FBXL7: variants seen among roughly 807,000 people sequenced by gnomAD.
FBXL7 encodes the protein F-box/LRR-repeat protein 7.
FBXL7 carries 12 observed loss-of-function variants against 38.3 expected under a neutral mutation model. That is an observed-to-expected ratio of 0.31 (90% CI 0.20 to 0.51). FBXL7 has a LOEUF of 0.51. Ranked by LOEUF, FBXL7 falls within the 20% of genes least tolerant of loss-of-function variation. The probability of loss-of-function intolerance (pLI) is 0.98; values close to 1 mark genes in which losing one functional copy is unlikely to be tolerated. For synonymous variants in FBXL7, 297 were observed against 300.9 expected (o/e 0.99, Z 0.13); for missense variants, 567 against 676.4 (o/e 0.84, Z 1.79).
At chr5:15,871,541 G>C (rs1361916884) in intron 2 of FBXL7, among the ~76,000 whole-genome samples, 1 of 152,174 alleles carries the variant, frequency 6.6e-6, no homozygotes, top group Non-Finnish European at 1.5e-5. Flanking sequence ...ATGCAAGGAA[G>C]CTAAGAACCT....
At chr5:15,784,652 T>G (rs533116809) in intron 2 of FBXL7, among the ~76,000 whole-genome samples, 2 of 152,076 alleles carry the variant, frequency 1.3e-5, no homozygotes, top group African/African-American at 2.4e-5. Context: ...TGCTTAAAAG[T>G]GTGTGGCATC....
Position 15,750,736 on chromosome 5 carries a change from C to T in FBXL7, c.127+134664C>T, listed in dbSNP as rs117713694. Reference sequence around the variant, plus strand: ...ATCACTATTGCCCTAACGTCATGAGCGGCTGCCTTACTCCAGTTTCTATAT... The same window carrying T: ...ATCACTATTGCCCTAACGTCATGAGTGGCTGCCTTACTCCAGTTTCTATAT... On this transcript the variant is annotated intron_variant, in intron 2 of 3. Coordinates refer to ENST00000504595, the MANE Select transcript of FBXL7 (RefSeq NM_012304.5). 5.2e-4 allele frequency among the ~76,000 whole-genome samples: 79 copies of T among 152,158 alleles called. 2 individuals are homozygous for T. The East Asian group carries it at 0.011, about 20-fold the overall frequency.
intron 2 of FBXL7, among the ~76,000 whole-genome samples, chr5:15,745,184 TTTAA>T (rs1185455408): frequency 2.5e-4 from 38 of 152,010 alleles, no homozygotes; most frequent in African/African-American, 8.7e-4. Flanking sequence ...TAAATAAATA[TTTAA>T]TTATTTGGAA....
At chr5:15,597,080 G>T (rs1248018379) in intron 1 of FBXL7, among the ~76,000 whole-genome samples, 1 of 152,124 alleles carries the variant, frequency 6.6e-6, no homozygotes, top group East Asian at 1.9e-4. Flanking sequence ...CTAAAGTGGG[G>T]GCAGCCTTGT....
intron 2 of FBXL7, among the ~76,000 whole-genome samples, chr5:15,631,485 C>G (rs1277750403): frequency 6.6e-6 from 1 of 151,858 alleles, no homozygotes; most frequent in Non-Finnish European, 1.5e-5. Context: ...CACCTGAGGT[C>G]AGGAGTTCGA....
chr5:15,506,870 A>T (rs1561008839), intron 1 of FBXL7, among the ~76,000 whole-genome samples: 1 of 151,598 alleles, frequency 6.6e-6, no homozygotes, highest in East Asian at 1.9e-4. Flanking sequence ...GGAGGGCACA[A>T]TCATTCACTC....
At chr5:15,763,906 T>A (rs113774235) in intron 2 of FBXL7, among the ~76,000 whole-genome samples, 2,330 of 152,304 alleles carry the variant, frequency 0.015, 54 homozygotes, top group African/African-American at 0.048. Flanking sequence ...CCAGGAGCAC[T>A]GGTGATGTAA....
intron 1 of FBXL7, among the ~76,000 whole-genome samples, chr5:15,570,913 A>G (rs1305595336): frequency 1.3e-5 from 2 of 152,028 alleles, no homozygotes; most frequent in Non-Finnish European, 2.9e-5. Flanking sequence ...ACCAACATGG[A>G]GAAACCCCAT....
At chr5:15,828,908 G>A (rs1430167140) in intron 2 of FBXL7, among the ~76,000 whole-genome samples, 2 of 152,146 alleles carry the variant, frequency 1.3e-5, no homozygotes, top group East Asian at 3.8e-4. Flanking sequence ...TTGAAGACAG[G>A]GCAACAAATG....
intron 2 of FBXL7, among the ~76,000 whole-genome samples, chr5:15,742,798 G>T (rs1457863155): frequency 1.3e-5 from 2 of 152,150 alleles, no homozygotes; most frequent in African/African-American, 2.4e-5. Context: ...AAGGAAAGAG[G>T]TCTAATTGAC....
chr5:15,677,249 C>T (rs574512773), intron 2 of FBXL7, among the ~76,000 whole-genome samples: 1 of 152,290 alleles, frequency 6.6e-6, no homozygotes, highest in East Asian at 1.9e-4. Flanking sequence ...GCGGGCAGAT[C>T]TCTTGAGGAC....
At chr5:15,610,874 C>T (rs1188409545) in intron 1 of FBXL7, among the ~76,000 whole-genome samples, 2 of 152,122 alleles carry the variant, frequency 1.3e-5, no homozygotes, top group Admixed American at 1.3e-4. Context: ...ACCCTCCACC[C>T]AGCCCCATTT....
chr5:15,569,942 A>T (rs1738718475), intron 1 of FBXL7, among the ~76,000 whole-genome samples: 1 of 152,198 alleles, frequency 6.6e-6, no homozygotes, highest in Non-Finnish European at 1.5e-5. Flanking sequence ...GATGAAGCCC[A>T]CTTGATCATG....
intron 2 of FBXL7, among the ~76,000 whole-genome samples, chr5:15,626,849 AT>A (rs556934887): frequency 3.4e-4 from 52 of 151,944 alleles, no homozygotes; most frequent in East Asian, 5.8e-4. Context: ...ATCATTCCTA[AT>A]TTTTTTTATC....
chr5:15,826,179 C>T (rs1220385122), intron 2 of FBXL7, among the ~76,000 whole-genome samples: 1 of 152,162 alleles, frequency 6.6e-6, no homozygotes, highest in African/African-American at 2.4e-5. Context: ...ACATCAGCTC[C>T]AGTTCTTTTC....
intron 2 of FBXL7, among the ~76,000 whole-genome samples, chr5:15,734,064 A>G (rs7713553): frequency 0.55 from 83,425 of 151,204 alleles, 23,163 homozygotes; most frequent in East Asian, 0.67. Flanking sequence ...GCAGTGCACC[A>G]AGATTGTGCC....
intron 2 of FBXL7, among the ~76,000 whole-genome samples, chr5:15,640,024 G>T (rs983043073): frequency 1.8e-4 from 28 of 152,094 alleles, no homozygotes; most frequent in Admixed American, 2.0e-4. Flanking sequence ...TCCTTGGATT[G>T]CATTTCACAA....
intron 2 of FBXL7, among the ~76,000 whole-genome samples, chr5:15,743,152 C>A (rs1285940157): frequency 6.6e-6 from 1 of 152,140 alleles, no homozygotes; most frequent in African/African-American, 2.4e-5. Context: ...CTTAAAGACA[C>A]AATTATGCCT....
intron 2 of FBXL7, among the ~76,000 whole-genome samples, chr5:15,699,985 A>G (rs1579388737): frequency 6.6e-6 from 1 of 152,208 alleles, no homozygotes; most frequent in Non-Finnish European, 1.5e-5. Context: ...AGGAGTGGGG[A>G]CGTGAGGTTC....
Sources: gnomAD v4.1 joint callset for allele counts (sites outside exome capture counted in the v4.1 genomes callset) on GRCh38, gnomAD v4.1.1 for gene constraint, MANE v1.5 for transcripts, NCBI Gene and HGNC (gene_info 2026-07-23, HGNC 2026-07-21) for gene names.